The following FAM78B variants were observed in gnomAD, a reference collection of about 807,000 sequenced individuals.
FAM78B encodes the protein family with sequence similarity 78 member B.
In FAM78B, 10 loss-of-function variants were observed where a neutral mutation model predicts 20.0. That is an observed-to-expected ratio of 0.50 (90% CI 0.31 to 0.85). The LOEUF (loss-of-function observed/expected upper bound fraction) is 0.85, where lower values mean the gene tolerates loss of function less well. FAM78B is among the 40% of genes least tolerant of loss of function. The pLI is 0.05. For synonymous variants in FAM78B, 135 were observed against 132.8 expected, an observed-to-expected ratio of 1.02 and a Z score of -0.12; for missense variants, 283 against 345.0, an observed-to-expected ratio of 0.82 and a Z score of 1.42.
Position 166,166,455 on chromosome 1 carries a change from G to T in FAM78B, c.-207C>A, listed in dbSNP as rs986553013. Reference sequence around the variant, plus strand: ...CGGGGTCCCCGCTGCCCCGACGTCCGCCCACGCCCGCCCCCTCGCTCCGGC... The same window carrying T: ...CGGGGTCCCCGCTGCCCCGACGTCCTCCCACGCCCGCCCCCTCGCTCCGGC... On this transcript the variant is annotated 5_prime_UTR_variant, in exon 1 of 2. Coordinates refer to ENST00000354422, the MANE Select transcript of FAM78B (RefSeq NM_001017961.5). 9.2e-6 allele frequency: 2 copies of T among 216,312 alleles called. No homozygotes were observed. The highest frequency in any genetic ancestry group is 1.7e-4 in the East Asian group (1 of 5,780). 13.4% of individuals were successfully genotyped at this position (216,312 alleles called of 1,614,324 possible).
chr1:166,106,417 A>G (rs1653788526), intron 1 of FAM78B, among the ~76,000 whole-genome samples: 2 of 151,974 alleles, frequency 1.3e-5, no homozygotes, highest in African/African-American at 2.4e-5. Flanking sequence ...GAATGAAATC[A>G]TGTGCACATG....
chr1:166,153,954 G>A (rs1399444651), intron 1 of FAM78B, among the ~76,000 whole-genome samples: 1 of 152,140 alleles, frequency 6.6e-6, no homozygotes, highest in East Asian at 1.9e-4. Context: ...AGCACCATTT[G>A]ATCATGCCCC....
chr1:166,129,188 G>T (rs987607507), intron 1 of FAM78B, among the ~76,000 whole-genome samples: 4 of 152,164 alleles, frequency 2.6e-5, no homozygotes, highest in Admixed American at 1.3e-4. Flanking sequence ...GCGCACTCCT[G>T]TGTATATAGA....
At chr1:166,114,942 C>T (rs1376486774) in intron 1 of FAM78B, among the ~76,000 whole-genome samples, 1 of 152,154 alleles carries the variant, frequency 6.6e-6, no homozygotes, top group East Asian at 1.9e-4. Flanking sequence ...GAACAAGTTC[C>T]CTTTAGCCTT....
At chr1:166,133,914 T>C (rs1471781937) in intron 1 of FAM78B, among the ~76,000 whole-genome samples, 2 of 152,232 alleles carry the variant, frequency 1.3e-5, no homozygotes, top group African/African-American at 4.8e-5. Context: ...TTCATGCCAC[T>C]TGTCTCATTT....
chr1:166,133,209 G>A (rs1654940492), intron 1 of FAM78B, among the ~76,000 whole-genome samples: 1 of 152,134 alleles, frequency 6.6e-6, no homozygotes, highest in African/African-American at 2.4e-5. Context: ...GGAAGAATAA[G>A]GGCTGAGCTG....
At chr1:166,104,888 C>T (rs1191548547) in intron 1 of FAM78B, among the ~76,000 whole-genome samples, 10 of 152,178 alleles carry the variant, frequency 6.6e-5, no homozygotes, top group Non-Finnish European at 1.5e-4. Context: ...AAAGAGCCCG[C>T]ATTGCCAAGT....
downstream of FAM78B, among the ~76,000 whole-genome samples, chr1:166,065,751 C>T (rs1040213788): frequency 3.3e-5 from 5 of 152,060 alleles, no homozygotes; most frequent in African/African-American, 1.2e-4. Context: ...TACTCAAGAT[C>T]TCAAAAGAAA....
chr1:166,164,416 T>A (rs1203460489), intron 1 of FAM78B, among the ~76,000 whole-genome samples: 2 of 152,266 alleles, frequency 1.3e-5, no homozygotes, highest in African/African-American at 4.8e-5. Context: ...ATATAATCAT[T>A]CTTTTGAGGG....
downstream of FAM78B, among the ~76,000 whole-genome samples, chr1:166,066,708 C>G (rs372372883): frequency 1.3e-5 from 2 of 152,134 alleles, no homozygotes; most frequent in African/African-American, 4.8e-5. Flanking sequence ...AATCATAGTT[C>G]TTTTATTTTA....
exon 3 of FAM78B, chr1:166,057,959 T>C (rs1571117871): frequency 1.6e-5 from 2 of 124,316 alleles, no homozygotes; most frequent in East Asian, 5.9e-4. Context: ...TTTTTGTTTT[T>C]TTTGGGTTTT....
intron 2 of FAM78B, among the ~76,000 whole-genome samples, chr1:166,062,685 G>T (rs1412607787): frequency 6.6e-6 from 1 of 152,200 alleles, no homozygotes; most frequent in Admixed American, 6.5e-5. Flanking sequence ...TTCCTAATTA[G>T]AAGTAATAGC....
At chr1:166,093,588 A>G (rs77092175) in intron 1 of FAM78B, among the ~76,000 whole-genome samples, 2,899 of 152,310 alleles carry the variant, frequency 0.019, 91 homozygotes, top group African/African-American at 0.067. Flanking sequence ...TCCTTCTCAC[A>G]TGTAAAGGCG....
intron 1 of FAM78B, among the ~76,000 whole-genome samples, chr1:166,118,616 C>T (rs75752637): frequency 1.3e-3 from 203 of 152,144 alleles, no homozygotes; most frequent in African/African-American, 4.7e-3. Context: ...TGACTGTTTT[C>T]AGGCTATCAC....
chr1:166,077,875 T>A (rs12726758), intron 1 of FAM78B, among the ~76,000 whole-genome samples: 887 of 3,436 alleles, frequency 0.26, 64 homozygotes, highest in Non-Finnish European at 0.3. Flanking sequence ...TATATATAAT[T>A]ATATATATAA....
At chr1:166,060,750 G>T in intron 2 of FAM78B, 1 of 784,714 alleles carries the variant, frequency 1.3e-6, no homozygotes, top group South Asian at 1.7e-5. Context: ...AGATGGTCAT[G>T]ATCTGGGCTC....
In FAM78B at chr1:166,154,760, T is replaced by G. The variant is rs745911319; in HGVS notation, c.263+11226A>C. On this transcript the variant is annotated intron_variant, in intron 1 of 1. Transcript: ENST00000354422. Reference sequence around the variant, plus strand: ...AGAATTAGCCAGTGATCCAGGCCCATGGACCTGAGTCTGAATCCTGGTTCT... The same window carrying G: ...AGAATTAGCCAGTGATCCAGGCCCAGGGACCTGAGTCTGAATCCTGGTTCT... The G allele has an allele frequency of 1.4e-5, 7 of 513,088 alleles. No individual in the cohort carries two copies. The East Asian group carries it at 3.9e-4, about 29-fold the overall frequency. 31.8% of individuals were successfully genotyped at this position (513,088 alleles called of 1,614,324 possible).
chr1:166,102,674 T>C (rs944801268), intron 1 of FAM78B, among the ~76,000 whole-genome samples: 2 of 152,208 alleles, frequency 1.3e-5, no homozygotes, highest in African/African-American at 4.8e-5. Flanking sequence ...TAAATATATA[T>C]GCGCCCAATA....
intron 1 of FAM78B, among the ~76,000 whole-genome samples, chr1:166,130,363 G>T (rs1210473784): frequency 6.6e-6 from 1 of 152,224 alleles, no homozygotes; most frequent in Non-Finnish European, 1.5e-5. Context: ...AATCAGAGAA[G>T]ACTGGAATGC....
Sources: allele counts gnomAD v4.1 joint callset (sites outside exome capture counted in the v4.1 genomes callset), GRCh38; gene constraint gnomAD v4.1.1; transcripts MANE v1.5; gene names NCBI Gene and HGNC (gene_info 2026-07-23, HGNC 2026-07-21).